Variants in EIF2AK1 observed in about 807,000 individuals in gnomAD.
EIF2AK1 encodes the protein eukaryotic translation initiation factor 2-alpha kinase 1.
In EIF2AK1, 54 loss-of-function variants were observed where a neutral mutation model predicts 77.9. The ratio of observed to expected loss-of-function variants is 0.69; its 90% confidence interval spans 0.56 to 0.87. The LOEUF is 0.87. EIF2AK1 is among the 40% of genes least tolerant of loss of function. EIF2AK1 has a pLI of 0.00. For missense variants in EIF2AK1, 810 were observed against 768.6 expected (o/e 1.05, Z -0.64); for synonymous variants, 314 against 290.5 (o/e 1.08, Z -0.82).
At chr7:6,041,347 T>C (rs896308866) in intron 8 of EIF2AK1, 128 bp from the exon 9 acceptor site, 2 of 932,012 alleles carry the variant, frequency 2.1e-6, no homozygotes, top group African/African-American at 3.4e-5. Flanking sequence ...GAGACCAGCT[T>C]ACCCAACATG....
chr7:6,054,715 A>G lies in EIF2AK1; in HGVS notation c.119-11T>C. ...CTGGAACATCAGATTCTAAAAATTA[A>G]AAAGGAAAATATTTTTAAATTAATG... On this transcript the variant is annotated splice_polypyrimidine_tract_variant and intron_variant, in intron 1 of 14. Coordinates refer to ENST00000199389, the MANE Select transcript of EIF2AK1 (RefSeq NM_014413.4). The G allele has an allele frequency of 6.2e-7, 1 of 1,609,288 alleles. No individual in the cohort carries two copies. Among genetic ancestry groups the G allele is most frequent in the Non-Finnish European group, 8.5e-7 (1 of 1,176,578 alleles).
Position 6,038,552 on chromosome 7 carries a change from G to C in EIF2AK1, c.1231+8C>G, listed in dbSNP as rs756845875. On this transcript the variant is annotated splice_region_variant and intron_variant, in intron 10 of 14. Transcript: ENST00000199389. ...TTTCCCGGCCCGGCAGACCCAGATG[G>C]TACTCACAGGCAGACTCGTCCACAT... The C allele has an allele frequency of 3.7e-6, 6 of 1,606,212 alleles. No homozygotes were observed. Among genetic ancestry groups the C allele is most frequent in the Non-Finnish European group, 5.1e-6 (6 of 1,175,520 alleles).
intron 14 of EIF2AK1, among the ~76,000 whole-genome samples, chr7:6,026,030 G>A (rs1287975298): frequency 6.6e-6 from 1 of 151,972 alleles, no homozygotes; most frequent in Non-Finnish European, 1.5e-5. Flanking sequence ...GTCCAGGGCA[G>A]CAGCTGCAGC....
chr7:6,055,597 T>G lies in EIF2AK1; in HGVS notation c.119-893A>C, dbSNP rs374034639. On this transcript the variant is annotated intron_variant, in intron 1 of 14. Transcript: ENST00000199389. The stretch of plus-strand genomic sequence containing the variant: ...ATCCTCTTTGCACTGTATGAGACCA[T>G]GCAGACAGACGAGTTGGCACTAAGG... Among the ~76,000 whole-genome samples the G allele has an allele frequency of 2.7e-5, 4 of 150,520 alleles. No individual in the cohort carries two copies. In the East Asian group the frequency reaches 5.9e-4, roughly 22 times the overall value.
chr7:6,049,661 C>A (rs1195872387), intron 3 of EIF2AK1: 5 of 251,088 alleles, frequency 2.0e-5, no homozygotes, highest in Non-Finnish European at 3.6e-5. Flanking sequence ...GGTTCTCACT[C>A]TGCTGCTCAG....
At chr7:6,048,658 T>C (rs888552056) in intron 4 of EIF2AK1, 149 bp downstream of exon 4, 1 of 608,298 alleles carries the variant, frequency 1.6e-6, no homozygotes, top group Non-Finnish European at 2.8e-6. Context: ...GCAAAGCAAG[T>C]CTCAGAGCAG....
intron 11 of EIF2AK1, chr7:6,031,356 TG>T: frequency 1.9e-6 from 3 of 1,545,888 alleles, no homozygotes; most frequent in East Asian, 2.4e-5. Flanking sequence ...CATTTTCCCC[TG>T]AAGTCTTAAG....
chr7:6,026,421 A>G (rs572103314), intron 14 of EIF2AK1: 2 of 493,802 alleles, frequency 4.1e-6, no homozygotes, highest in East Asian at 1.1e-4. Flanking sequence ...ACCAGGCCCC[A>G]GGAAGTTTCC....
In EIF2AK1 at chr7:6,047,258, A is replaced by T. The variant is rs199742727; in HGVS notation, c.450-167T>A. 1,362 of 754,424 alleles carry T rather than the reference A, an allele frequency of 1.8e-3. 23 individuals are homozygous for T. Among genetic ancestry groups the T allele is most frequent in the South Asian group, 0.012 (841 of 67,562 alleles). 46.7% of individuals were successfully genotyped at this position (754,424 alleles called of 1,614,324 possible). A position where few individuals can be genotyped will look rare whatever the true frequency, so the allele number is the denominator to read the frequency against. On this transcript the variant is annotated intron_variant, in intron 4 of 14. Transcript: ENST00000199389. ...GAAATTTTTCATCCCTATGAAGAAAACAAAATCAGGTGTTTTACCAGTAAC... is the reference window on the plus strand; with the variant it reads ...GAAATTTTTCATCCCTATGAAGAAATCAAAATCAGGTGTTTTACCAGTAAC...
Position 6,024,596 on chromosome 7 carries a change from A to C in EIF2AK1, c.*77T>G. The C allele has an allele frequency of 6.3e-7, 1 of 1,597,488 alleles. No individual in the cohort carries two copies. The highest frequency in any genetic ancestry group is 1.1e-5 in the South Asian group (1 of 88,128). ...TGTAAAGGCTTACTAAATACAACGA[A>C]GCATTGTACCAACTATACCCTAATA... is the stretch of plus-strand genomic sequence containing the variant. On this transcript the variant is annotated 3_prime_UTR_variant, in exon 15 of 15. Transcript: ENST00000199389.
At chr7:6,031,458 T>C in intron 11 of EIF2AK1, 1 of 1,550,794 alleles carries the variant, frequency 6.4e-7, no homozygotes, top group Non-Finnish European at 8.7e-7. Flanking sequence ...TCTGCAGCAC[T>C]TCACTCGAAA....
At position 6,030,373 on chromosome 7, in the gene EIF2AK1, G is replaced by C. The variant is rs931994741; in HGVS notation, c.1333-1341C>G. Among the ~76,000 whole-genome samples the C allele has an allele frequency of 2.0e-5, 3 of 152,142 alleles. No homozygotes were observed. The South Asian group carries it at 6.2e-4, about 32-fold the overall frequency. ...AAATCACCTGTTGTAACTGCCCTGG[G>C]TGTACCTGCCTACCAGACACGTGAC... On this transcript the variant is annotated intron_variant, in intron 11 of 14. Transcript: ENST00000199389.
At chr7:6,040,293 T>C (rs1788258981) in intron 9 of EIF2AK1, among the ~76,000 whole-genome samples, 1 of 152,066 alleles carries the variant, frequency 6.6e-6, no homozygotes, top group African/African-American at 2.4e-5. Context: ...TCTCAGGTGA[T>C]CTGCCCTCCT....
chr7:6,023,791 T>C lies in EIF2AK1; in HGVS notation c.*882A>G. 6.3e-7 allele frequency: 1 copy of C among 1,592,582 alleles called. No individual in the cohort carries two copies. The highest frequency in any genetic ancestry group is 8.6e-7 in the Non-Finnish European group (1 of 1,168,096). ...TTGTATTAGAGTCAGAGTCTTTTTA[T>C]TTAGGCCAGTTGTCAAGTGTCAATA... On this transcript the variant is annotated 3_prime_UTR_variant, in exon 15 of 15. Transcript: ENST00000199389.
chr7:6,058,338 G>C, intron 1 of EIF2AK1: 1 of 350,024 alleles, frequency 2.9e-6, no homozygotes, highest in South Asian at 2.2e-5. Flanking sequence ...GATCACTTGA[G>C]CCCAGGAGTT....
chr7:6,045,021 C>T (rs553248166), intron 6 of EIF2AK1, among the ~76,000 whole-genome samples: 1 of 152,108 alleles, frequency 6.6e-6, no homozygotes, highest in East Asian at 1.9e-4. Flanking sequence ...ATGGGTTTAT[C>T]AGGACATAAT....
Position 6,026,818 on chromosome 7 carries a change from C to T in EIF2AK1, c.1674G>A (p.Lys558=). Residue 558 remains lysine (K), a synonymous_variant, in exon 14 of 15, where the codon AAG becomes AAA. Coordinates refer to ENST00000199389, the MANE Select transcript of EIF2AK1 (RefSeq NM_014413.4). ...TCCTTCTCGTTAAGTGCTGGATATA[C>T]TTGGCTTGCACTGGACACCTTTTAC... ...SLRKRCPVQA[K]YIQHLTRRNS... 1 of 1,614,206 alleles carries T rather than the reference C, an allele frequency of 6.2e-7. No individual in the cohort carries two copies. The highest frequency in any genetic ancestry group is 8.5e-7 in the Non-Finnish European group (1 of 1,180,032).
In EIF2AK1 at chr7:6,047,104, TACAA is replaced by T. The variant is rs760957523; in HGVS notation, c.450-17_450-14del. ...TACTTCCCTTGATCTGAAAGTTAAATACAAACAATCAATATTAAAACATGAGAGA... is the reference window on the plus strand; with the variant it reads ...TACTTCCCTTGATCTGAAAGTTAAATACAATCAATATTAAAACATGAGAGA... On this transcript the variant is annotated splice_polypyrimidine_tract_variant and intron_variant, in intron 4 of 14. Coordinates refer to ENST00000199389, the MANE Select transcript of EIF2AK1 (RefSeq NM_014413.4). 1.9e-6 allele frequency: 3 copies of T among 1,601,874 alleles called. No homozygotes were observed. The highest frequency in any genetic ancestry group is 1.3e-5 in the African/African-American group (1 of 74,716).
At chr7:6,029,091 TG>T (rs1787828798) in intron 11 of EIF2AK1, 59 bp from the exon 12 acceptor site, 1 of 1,368,486 alleles carries the variant, frequency 7.3e-7, no homozygotes, top group East Asian at 2.3e-5. Flanking sequence ...AGTAATATCT[TG>T]TAAATGTTTT....
Sources: allele counts gnomAD v4.1 joint callset (sites outside exome capture counted in the v4.1 genomes callset), GRCh38; gene constraint gnomAD v4.1.1; transcripts MANE v1.5; gene names NCBI Gene and HGNC (gene_info 2026-07-23, HGNC 2026-07-21).